The following LRRC51 variants were observed in gnomAD, a reference collection of about 807,000 sequenced individuals.
The protein encoded by LRRC51 is leucine-rich repeat-containing protein 51.
A neutral mutation model predicts 17.8 loss-of-function variants in LRRC51; 8 were observed. The observed-to-expected ratio is 0.45, with a 90% confidence interval of 0.26 to 0.81. LRRC51 has a LOEUF of 0.81. Among genes scored for constraint, LRRC51 ranks in the 30% least tolerant of loss-of-function variants. The pLI, the probability that LRRC51 is intolerant of heterozygous loss-of-function variation, is 0.17. For synonymous variants in LRRC51, 92 were observed against 96.0 expected, an observed-to-expected ratio of 0.96 and a Z score of 0.24; for missense variants, 233 against 239.3, an observed-to-expected ratio of 0.97 and a Z score of 0.17.
intron 4 of LRRC51, chr11:72,094,428 C>T: frequency 3.9e-6 from 2 of 513,916 alleles, no homozygotes; most frequent in South Asian, 4.6e-5. Flanking sequence ...CAATAAAGTA[C>T]AGCACTTACT....
intron 1 of LRRC51, among the ~76,000 whole-genome samples, chr11:72,083,358 A>G (rs1944352785): frequency 6.6e-6 from 1 of 152,118 alleles, no homozygotes; most frequent in African/African-American, 2.4e-5. Flanking sequence ...CTCATTCCAC[A>G]CCACCCCCTA....
intron 3 of LRRC51, among the ~76,000 whole-genome samples, chr11:72,090,894 G>T (rs1462254615): frequency 6.6e-6 from 1 of 152,236 alleles, no homozygotes; most frequent in African/African-American, 2.4e-5. Context: ...CTACATGGCA[G>T]CCTTTCAGAG....
At chr11:72,082,487 C>T (rs1241670439) in intron 1 of LRRC51, among the ~76,000 whole-genome samples, 1 of 152,172 alleles carries the variant, frequency 6.6e-6, no homozygotes, top group Non-Finnish European at 1.5e-5. Flanking sequence ...AGCTCCAGAT[C>T]TATATAGCCA....
Position 72,096,866 on chromosome 11 carries a change from A to T in LRRC51, c.*1346A>T. 1 of 1,266,302 alleles carries T rather than the reference A, an allele frequency of 7.9e-7. No individual in the cohort carries two copies. Among genetic ancestry groups the T allele is most frequent in the Non-Finnish European group, 1.0e-6 (1 of 996,034 alleles). 78.4% of individuals were successfully genotyped at this position (1,266,302 alleles called of 1,614,324 possible). On this transcript the variant is annotated 3_prime_UTR_variant, in exon 6 of 6. Transcript: ENST00000289488. Reference sequence around the variant, plus strand: ...ATGCTGGGATTCTGCTTAAGATTTCATTTGATAAAAAGAATCTTCTGCTTA... The same window carrying T: ...ATGCTGGGATTCTGCTTAAGATTTCTTTTGATAAAAAGAATCTTCTGCTTA...
At position 72,096,785 on chromosome 11, in the gene LRRC51, A is replaced by G. The variant is rs1321279402; in HGVS notation, c.*1265A>G. The G allele has an allele frequency of 7.0e-7, 1 of 1,432,418 alleles. No individual in the cohort carries two copies. Among genetic ancestry groups the G allele is most frequent in the African/African-American group, 1.5e-5 (1 of 68,648 alleles). 88.7% of individuals were successfully genotyped at this position (1,432,418 alleles called of 1,614,324 possible). A position where few individuals can be genotyped will look rare whatever the true frequency, so the allele number is the denominator to read the frequency against. The stretch of plus-strand genomic sequence containing the variant: ...TGACAGGCCAAGAAGATGGCCTATG[A>G]TCTCTGAAACCAGCCCCCACTTCAA... On this transcript the variant is annotated 3_prime_UTR_variant, in exon 6 of 6. Transcript: ENST00000289488.
At chr11:72,095,209 A>C (rs1945115007) in intron 5 of LRRC51, 113 bp downstream of exon 5, 1 of 1,560,712 alleles carries the variant, frequency 6.4e-7, no homozygotes, top group East Asian at 2.3e-5. Context: ...CTGGGAAGGG[A>C]GTAACAGACC....
chr11:72,086,970 A>AT (rs1164645684), intron 1 of LRRC51, among the ~76,000 whole-genome samples: 2 of 152,134 alleles, frequency 1.3e-5, no homozygotes, highest in East Asian at 3.8e-4. Flanking sequence ...AGGTTCCTCT[A>AT]TTTTTACAAA....
Position 72,095,377 on chromosome 11 carries a change from A to G in LRRC51, c.438-2A>G. ...GGCCCCCAGCCTAAGTCTTCCCCAC[A>G]GGCAATATGTGCTGTGCACCCTGTC... On this transcript the variant is annotated splice_acceptor_variant, in intron 5 of 5. Coordinates refer to ENST00000289488, the MANE Select transcript of LRRC51 (RefSeq NM_145309.6). LOFTEE classifies it high-confidence loss of function. 1 of 1,614,066 alleles carries G rather than the reference A, an allele frequency of 6.2e-7. No individual in the cohort carries two copies. The highest frequency in any genetic ancestry group is 1.1e-5 in the South Asian group (1 of 91,078).
At chr11:72,086,218 A>G in intron 1 of LRRC51, 3 of 589,350 alleles carry the variant, frequency 5.1e-6, no homozygotes, top group East Asian at 2.8e-5. Flanking sequence ...GAAACATGAG[A>G]GAGTATTCAC....
Position 72,089,153 on chromosome 11 carries a change from C to G in LRRC51, c.70C>G (p.His24Asp). 6.2e-7 allele frequency: 1 copy of G among 1,614,134 alleles called. No homozygotes were observed. Among genetic ancestry groups the G allele is most frequent in the Non-Finnish European group, 8.5e-7 (1 of 1,180,036 alleles). ...TCTTGACTACTCCTTCAGAAGCATC[C>G]ACGTCATTCAAGGTCAGCCCCCAGA... ...PPLDYSFRSI[H>D]VIQDLVNEEP... The change falls in exon 3 of 6, where the codon CAC becomes GAC. Residue 24 changes from histidine (H) to aspartate (D), a missense_variant. Coordinates refer to ENST00000289488, the MANE Select transcript of LRRC51 (RefSeq NM_145309.6).
At position 72,096,890 on chromosome 11, in the gene LRRC51, T is replaced by G; in HGVS notation, c.*1370T>G. The G allele has an allele frequency of 7.9e-7, 1 of 1,267,526 alleles. No individual in the cohort carries two copies. The highest frequency in any genetic ancestry group is 1.0e-6 in the Non-Finnish European group (1 of 1,001,700). 78.5% of individuals were successfully genotyped at this position (1,267,526 alleles called of 1,614,324 possible). A position where few individuals can be genotyped will look rare whatever the true frequency, so the allele number is the denominator to read the frequency against. On this transcript the variant is annotated 3_prime_UTR_variant, in exon 6 of 6. Coordinates refer to ENST00000289488, the MANE Select transcript of LRRC51 (RefSeq NM_145309.6). ...CATTTGATAAAAAGAATCTTCTGCT[T>G]AAAAACATTTGCTTGCTGACTCCAT...
At chr11:72,089,335 CTT>C in intron 3 of LRRC51, 170 bp downstream of exon 3, 1 of 1,501,104 alleles carries the variant, frequency 6.7e-7, no homozygotes, top group Non-Finnish European at 8.9e-7. Flanking sequence ...TTTTTTCTGT[CTT>C]TTTGTTTGTT....
intron 3 of LRRC51, among the ~76,000 whole-genome samples, chr11:72,090,895 C>T (rs1944819051): frequency 6.6e-6 from 1 of 152,196 alleles, no homozygotes; most frequent in Admixed American, 6.5e-5. Context: ...TACATGGCAG[C>T]CTTTCAGAGA....
At chr11:72,091,882 T>C (rs1310570231) in intron 3 of LRRC51, among the ~76,000 whole-genome samples, 1 of 152,174 alleles carries the variant, frequency 6.6e-6, no homozygotes, top group Non-Finnish European at 1.5e-5. Flanking sequence ...CCAGCCTCCA[T>C]TCACTCTTGA....
intron 1 of LRRC51, among the ~76,000 whole-genome samples, chr11:72,082,608 T>A (rs547346092): frequency 1.3e-4 from 20 of 152,320 alleles, no homozygotes; most frequent in Admixed American, 1.2e-3. Flanking sequence ...CTGGATCTCT[T>A]CCAGTGCTCC....
At chr11:72,084,861 CGTGTGTGTGTGTGTGTGTGTGT>C (rs55904624) in intron 1 of LRRC51, among the ~76,000 whole-genome samples, 13 of 124,316 alleles carry the variant, frequency 1.0e-4, no homozygotes, top group East Asian at 2.3e-4. Context: ...AAAAGAAAAC[CGTGTGTGTGTGTGTGTGTGTGT>C]GTGTGTGTGT....
At chr11:72,088,477 A>G (rs1287625919) in intron 2 of LRRC51, 97 bp downstream of exon 2, 4 of 692,884 alleles carry the variant, frequency 5.8e-6, no homozygotes, top group Non-Finnish European at 1.1e-5. Flanking sequence ...TTGGATGGAA[A>G]GGTAATGGGG....
chr11:72,096,753 G>C lies in LRRC51; in HGVS notation c.*1233G>C. 6.6e-7 allele frequency: 1 copy of C among 1,510,580 alleles called. No homozygotes were observed. The highest frequency in any genetic ancestry group is 8.9e-7 in the Non-Finnish European group (1 of 1,123,616). The allele number at this position is 1,510,580 out of a possible 1,614,324, so 93.6% of individuals were successfully genotyped here. On this transcript the variant is annotated 3_prime_UTR_variant, in exon 6 of 6. Transcript: ENST00000289488. ...CAGGGTCTGTAGAGATGCCTCACAG[G>C]CCTCCATGACAGGCCAAGAAGATGG...
intron 3 of LRRC51, among the ~76,000 whole-genome samples, chr11:72,092,673 G>A (rs1305846793): frequency 2.0e-5 from 3 of 152,210 alleles, no homozygotes; most frequent in African/African-American, 4.8e-5. Flanking sequence ...CTTGTGCAGT[G>A]CGTGCAAGCA....
Sources: gnomAD v4.1 joint callset for allele counts (sites outside exome capture counted in the v4.1 genomes callset) on GRCh38, gnomAD v4.1.1 for gene constraint, MANE v1.5 for transcripts, NCBI Gene and HGNC (gene_info 2026-07-23, HGNC 2026-07-21) for gene names.